The following TNPO2 variants were observed in gnomAD, a reference collection of about 807,000 sequenced individuals.
TNPO2 encodes transportin-2.
A neutral mutation model predicts 111.1 loss-of-function variants in TNPO2; 16 were observed. That is an observed-to-expected ratio of 0.14 (90% CI 0.10 to 0.22). The LOEUF is 0.22. Among genes scored for constraint, TNPO2 ranks in the 10% least tolerant of loss-of-function variants. The pLI, the probability that TNPO2 is intolerant of heterozygous loss-of-function variation, is 1.00. For synonymous variants in TNPO2, 481 were observed against 475.8 expected, an observed-to-expected ratio of 1.01 and a Z score of -0.14; for missense variants, 530 against 1,173.7, an observed-to-expected ratio of 0.45 and a Z score of 8.01.
intron 5 of TNPO2, among the ~76,000 whole-genome samples, chr19:12,718,636 G>A (rs912584507): frequency 6.6e-6 from 1 of 152,180 alleles, no homozygotes; most frequent in Admixed American, 6.6e-5. Flanking sequence ...CACCTTCCAA[G>A]AGTCAGAAAA....
rs1228398804 is a variant in TNPO2 at position 12,723,146 on chromosome 19, GT to G, written c.-14+102del. 5.9e-5 allele frequency: 9 copies of G among 152,270 alleles called. 1 individual carries two copies. Among genetic ancestry groups the G allele is most frequent in the African/African-American group, 2.2e-4 (9 of 41,534 alleles). The allele number at this position is 152,270 out of a possible 1,614,324, so 9.4% of individuals were successfully genotyped here. The stretch of plus-strand genomic sequence containing the variant: ...CATTATTTTCCAGTACTGTTTGATA[GT>G]TTTTACAAGGAGATGAAAAAGCCAC... On this transcript the variant is annotated intron_variant, in intron 2 of 25. Coordinates refer to ENST00000425528, the MANE Select transcript of TNPO2 (RefSeq NM_001382241.1).
Position 12,702,314 on chromosome 19 carries a change from C to T in TNPO2, c.2306-137G>A. On this transcript the variant is annotated intron_variant, in intron 21 of 25. Coordinates refer to ENST00000425528, the MANE Select transcript of TNPO2 (RefSeq NM_001382241.1). The surrounding 1 kb of genome is among the most constrained non-coding windows in gnomAD (Gnocchi z 5.5). ...CAAGCTTGGCCCAGCCAGGGGTCCT[C>T]CTCATCACACCTGAGTCACTTCCCA... is the stretch of plus-strand genomic sequence containing the variant. 3 of 703,476 alleles carry T rather than the reference C, an allele frequency of 4.3e-6. No homozygotes were observed. The highest frequency in any genetic ancestry group is 2.6e-6 in the Non-Finnish European group (1 of 390,902). 43.6% of individuals were successfully genotyped at this position (703,476 alleles called of 1,614,324 possible).
Position 12,711,309 on chromosome 19 carries a change from G to T in TNPO2, c.1104C>A (p.Ser368=). ...AGGGGCACACACTCAAATTCCAGTC[G>T]GACAGAGCATCATCATCATCGTCAT... ...AEDDDDDDAL[S]DWNLRKCSAA... The change falls in exon 12 of 26, where the codon TCC becomes TCA. Residue 368 remains serine, a synonymous_variant. Transcript: ENST00000425528. The T allele has an allele frequency of 6.2e-7, 1 of 1,613,576 alleles. No individual in the cohort carries two copies. Among genetic ancestry groups the T allele is most frequent in the Non-Finnish European group, 8.5e-7 (1 of 1,179,708 alleles).
chr19:12,701,902 T>TG lies in TNPO2; in HGVS notation c.2412-52dup. ...TCAGAGGGCAGGCTGGGCATGCATC[T>TG]GTGGAGGGCTGGGTCACTGGGGATC... On this transcript the variant is annotated intron_variant, in intron 22 of 25. Transcript: ENST00000425528. The surrounding 1 kb of genome is among the most constrained non-coding windows in gnomAD (Gnocchi z 5.0). 6.5e-7 allele frequency: 1 copy of TG among 1,534,894 alleles called. No individual in the cohort carries two copies. Among genetic ancestry groups the TG allele is most frequent in the Non-Finnish European group, 9.0e-7 (1 of 1,110,700 alleles).
intron 10 of TNPO2, among the ~76,000 whole-genome samples, chr19:12,713,396 T>C (rs2026174301): frequency 6.6e-6 from 1 of 151,864 alleles, no homozygotes; most frequent in Non-Finnish European, 1.5e-5. Flanking sequence ...TTATAGCACT[T>C]TGGGAGACCA....
At chr19:12,720,265 C>T (rs1482341776) in intron 3 of TNPO2, among the ~76,000 whole-genome samples, 5 of 151,788 alleles carry the variant, frequency 3.3e-5, no homozygotes, top group African/African-American at 7.3e-5. Context: ...GTGATCCGTC[C>T]GCCTCGGCCT....
chr19:12,710,148 A>G (rs756188385), intron 13 of TNPO2, among the ~76,000 whole-genome samples: 16 of 152,114 alleles, frequency 1.1e-4, no homozygotes, highest in Admixed American at 3.9e-4. Flanking sequence ...ACCACGGGTT[A>G]CTACTGACTC....
chr19:12,702,787 G>A lies in TNPO2; in HGVS notation c.2305+36C>T. 1.3e-6 allele frequency: 2 copies of A among 1,589,838 alleles called. No homozygotes were observed. The highest frequency in any genetic ancestry group is 4.5e-5 in the East Asian group (2 of 44,760). On this transcript the variant is annotated intron_variant, in intron 21 of 25. Coordinates refer to ENST00000425528, the MANE Select transcript of TNPO2 (RefSeq NM_001382241.1). This position sits in a 1 kb window ranked among gnomAD's most constrained non-coding sequence, Gnocchi z 5.5. ...CCAGAACCCCACCTCCAGAAGGCAG[G>A]CAGGGGTGCAGGCAGCAGCCGGGCC...
At chr19:12,707,699 G>C (rs946548265) in intron 13 of TNPO2, among the ~76,000 whole-genome samples, 1 of 151,682 alleles carries the variant, frequency 6.6e-6, no homozygotes, top group Non-Finnish European at 1.5e-5. Context: ...ATGTTGGCTA[G>C]ACTGGTCTTA....
chr19:12,705,471 G>C lies in TNPO2; in HGVS notation c.1863+21C>G. 1 of 1,581,710 alleles carries C rather than the reference G, an allele frequency of 6.3e-7. No homozygotes were observed. Among genetic ancestry groups the C allele is most frequent in the South Asian group, 1.2e-5 (1 of 86,378 alleles). On this transcript the variant is annotated intron_variant, in intron 17 of 25. Transcript: ENST00000425528. This position sits in a 1 kb window ranked among gnomAD's most constrained non-coding sequence, Gnocchi z 7.2. Reference sequence around the variant, plus strand: ...GGCAGGCCAATGCAGAAGCACAGGTGACGGGCCTAGGGTTGCTCACCATGG... The same window carrying C: ...GGCAGGCCAATGCAGAAGCACAGGTCACGGGCCTAGGGTTGCTCACCATGG...
At position 12,705,861 on chromosome 19, in the gene TNPO2, T is replaced by A; in HGVS notation, c.1669-93A>T. Reference sequence around the variant, plus strand: ...GCCCGAGTGATGAGGCCTGAGCGCCTCACCGTGGCTCATGGGACCCTGAAA... The same window carrying A: ...GCCCGAGTGATGAGGCCTGAGCGCCACACCGTGGCTCATGGGACCCTGAAA... On this transcript the variant is annotated intron_variant, in intron 15 of 25. Transcript: ENST00000425528. The surrounding 1 kb of genome is among the most constrained non-coding windows in gnomAD (Gnocchi z 7.2). The A allele has an allele frequency of 1.1e-6, 1 of 933,342 alleles. No homozygotes were observed. Among genetic ancestry groups the A allele is most frequent in the Non-Finnish European group, 1.6e-6 (1 of 636,426 alleles). 57.8% of individuals were successfully genotyped at this position (933,342 alleles called of 1,614,324 possible).
At position 12,719,691 on chromosome 19, in the gene TNPO2, T is replaced by C. The variant is rs2026561428; in HGVS notation, c.100-355A>G. 6.6e-6 allele frequency among the ~76,000 whole-genome samples: 1 copy of C among 151,618 alleles called. No homozygotes were observed. Among genetic ancestry groups the C allele is most frequent in the Admixed American group, 6.6e-5 (1 of 15,210 alleles). ...GTGCGTGCCTCTATTCCCAACTACT[T>C]GGGAGGCTGACGCAGGGGAATCGCT... On this transcript the variant is annotated intron_variant, in intron 3 of 25. Transcript: ENST00000425528. This position sits in a 1 kb window ranked among gnomAD's most constrained non-coding sequence, Gnocchi z 5.0.
In TNPO2 at chr19:12,719,670, G is replaced by C. The variant is rs150120549; in HGVS notation, c.100-334C>G. ...AAAATTATCCGGGCATGATGTGTGC[G>C]TGCCTCTATTCCCAACTACTTGGGA... On this transcript the variant is annotated intron_variant, in intron 3 of 25. Coordinates refer to ENST00000425528, the MANE Select transcript of TNPO2 (RefSeq NM_001382241.1). This position sits in a 1 kb window ranked among gnomAD's most constrained non-coding sequence, Gnocchi z 5.0. Among the ~76,000 whole-genome samples, 3 of 152,038 alleles carry C rather than the reference G, an allele frequency of 2.0e-5. No homozygotes were observed.
At chr19:12,707,295 C>G (rs886317961) in intron 13 of TNPO2, among the ~76,000 whole-genome samples, 1 of 152,126 alleles carries the variant, frequency 6.6e-6, no homozygotes, top group Non-Finnish European at 1.5e-5. Flanking sequence ...CCGCGCCCAG[C>G]CAAAGAGCTC....
At position 12,701,475 on chromosome 19, in the gene TNPO2, G is replaced by C. The variant is rs764020066; in HGVS notation, c.2587-22C>G. On this transcript the variant is annotated intron_variant, in intron 24 of 25. Transcript: ENST00000425528. The surrounding 1 kb of genome is among the most constrained non-coding windows in gnomAD (Gnocchi z 5.0). ...GAATCTGTGGGGAGGGTGGTGGTGAGGGGTAGGCAGGGGCAGAACAAGGGG... is the reference window on the plus strand; with the variant it reads ...GAATCTGTGGGGAGGGTGGTGGTGACGGGTAGGCAGGGGCAGAACAAGGGG... 3 of 1,608,056 alleles carry C rather than the reference G, an allele frequency of 1.9e-6. No homozygotes were observed. The African/African-American group carries it at 4.0e-5, about 21-fold the overall frequency.
chr19:12,715,545 GCA>G lies in TNPO2; in HGVS notation c.433-9_433-8del. ...GCAGGGCTCCAAAGGCTCCCTGAGTGCAGAGGGGCAGAGAGACAAACGTGGGT... is the reference window on the plus strand; with the variant it reads ...GCAGGGCTCCAAAGGCTCCCTGAGTGGAGGGGCAGAGAGACAAACGTGGGT... On this transcript the variant is annotated splice_region_variant and splice_polypyrimidine_tract_variant and intron_variant, in intron 6 of 25. Transcript: ENST00000425528. The surrounding 1 kb of genome is among the most constrained non-coding windows in gnomAD (Gnocchi z 7.1). 6.2e-7 allele frequency: 1 copy of G among 1,613,916 alleles called. No individual in the cohort carries two copies. The highest frequency in any genetic ancestry group is 8.5e-7 in the Non-Finnish European group (1 of 1,179,810).
In TNPO2 at chr19:12,710,654, A is replaced by G; in HGVS notation, c.1237T>C (p.Ser413Pro). 5 of 1,613,188 alleles carry G rather than the reference A, an allele frequency of 3.1e-6. No individual in the cohort carries two copies. Among genetic ancestry groups the G allele is most frequent in the Non-Finnish European group, 4.2e-6 (5 of 1,179,638 alleles). ...ATGGCGCCCAGCACCAGGATGCCCG[A>G]CTCCTTGACCACCCACTCGGGGTGG... ...LFHPEWVVKE[S>P]GILVLGAIAE... is the part of the protein sequence containing the mutation. Residue 413 changes from serine (S) to proline (P), a missense_variant, in exon 13 of 26, where the codon TCG becomes CCG. Around this residue, in one of 4 missense-constraint regions of TNPO2, gnomAD observed 88 missense variants for 130.2 expected, o/e 0.68. Transcript: ENST00000425528.
rs538425754 is a variant in TNPO2, at chr19:12,700,240, C to T, written c.*1024G>A. ...CTCTGTCATCATCAATTAAACGCCCCTGCCCCAGGCCTTGAGTTAAAACTG... is the reference window on the plus strand; with the variant it reads ...CTCTGTCATCATCAATTAAACGCCCTTGCCCCAGGCCTTGAGTTAAAACTG... On this transcript the variant is annotated 3_prime_UTR_variant, in exon 26 of 26. Transcript: ENST00000425528. 1 of 151,814 alleles carries T rather than the reference C, an allele frequency of 6.6e-6. No individual in the cohort carries two copies. The highest frequency in any genetic ancestry group is 2.1e-4 in the South Asian group (1 of 4,810). 9.4% of individuals were successfully genotyped at this position (151,814 alleles called of 1,614,324 possible). A position where few individuals can be genotyped will look rare whatever the true frequency, so the allele number is the denominator to read the frequency against.
rs1025964958 is a variant in TNPO2, at chr19:12,700,962, G to A, written c.*302C>T. 3 of 211,232 alleles carry A rather than the reference G, an allele frequency of 1.4e-5. No individual in the cohort carries two copies. The highest frequency in any genetic ancestry group is 5.2e-5 in the Admixed American group (1 of 19,154). The allele number at this position is 211,232 out of a possible 1,614,324, so 13.1% of individuals were successfully genotyped here. A position where few individuals can be genotyped will look rare whatever the true frequency, so the allele number is the denominator to read the frequency against. ...CAGCTGTGTAATTCCTCCCTCCCACGTAGCTGGCCCAAGTGGGCTGCCAGA... is the reference window on the plus strand; with the variant it reads ...CAGCTGTGTAATTCCTCCCTCCCACATAGCTGGCCCAAGTGGGCTGCCAGA... On this transcript the variant is annotated 3_prime_UTR_variant, in exon 26 of 26. Transcript: ENST00000425528.
Sources: allele counts gnomAD v4.1 joint callset (sites outside exome capture counted in the v4.1 genomes callset), GRCh38; gene constraint gnomAD v4.1.1; regional missense constraint gnomAD v4.1.1; non-coding constraint Gnocchi (gnomAD v3.1); transcripts MANE v1.5; gene names NCBI Gene and HGNC (gene_info 2026-07-23, HGNC 2026-07-21).